Variants in SH3GL3 observed in about 807,000 individuals in gnomAD.
SH3GL3 encodes endophilin-A3.
In SH3GL3, 33 loss-of-function variants were observed where a neutral mutation model predicts 47.7. The ratio of observed to expected loss-of-function variants is 0.69; its 90% CI spans 0.52 to 0.92. The LOEUF is 0.92. SH3GL3 is among the 40% of genes least tolerant of loss of function. The pLI is 0.00. For synonymous variants in SH3GL3, 155 were observed against 148.8 expected, an observed-to-expected ratio of 1.04 and a Z score of -0.30; for missense variants, 363 against 417.8, an observed-to-expected ratio of 0.87 and a Z score of 1.14.
intron 1 of SH3GL3, among the ~76,000 whole-genome samples, chr15:83,531,549 A>G (rs17158891): frequency 0.053 from 8,142 of 152,236 alleles, 383 homozygotes; most frequent in East Asian, 0.12. Context: ...TGGCAGGCAG[A>G]TCGTGGAAGG....
intron 1 of SH3GL3, among the ~76,000 whole-genome samples, chr15:83,463,047 T>C (rs140986377): frequency 1.4e-4 from 22 of 152,304 alleles, no homozygotes; most frequent in South Asian, 6.2e-4. Flanking sequence ...AAGTCAGTTC[T>C]GTCAGACTCA....
the SH3GL3 span, among the ~76,000 whole-genome samples, chr15:83,630,693 G>C: frequency 6.6e-6 from 1 of 152,102 alleles, no homozygotes; most frequent in African/African-American, 2.4e-5. Flanking sequence ...AACAGCATGA[G>C]GGTAACTGCC....
chr15:83,455,208 G>C (rs1351890893), intron 1 of SH3GL3, among the ~76,000 whole-genome samples: 30 of 36,430 alleles, frequency 8.2e-4, no homozygotes, highest in Non-Finnish European at 6.2e-4. Flanking sequence ...TCCTTTGAGG[G>C]TAACCCGACC....
At chr15:83,571,534 A>G (rs978677364) in intron 4 of SH3GL3, among the ~76,000 whole-genome samples, 5 of 151,762 alleles carry the variant, frequency 3.3e-5, no homozygotes, top group African/African-American at 9.7e-5. Context: ...GTTTAGAGTA[A>G]CGGTTCCTAC....
chr15:83,500,939 CAG>C (rs1263065446), intron 1 of SH3GL3, among the ~76,000 whole-genome samples: 1 of 152,216 alleles, frequency 6.6e-6, no homozygotes, highest in African/African-American at 2.4e-5. Flanking sequence ...TTCTAGAAGA[CAG>C]GGGCTACGAA....
intron 1 of SH3GL3, among the ~76,000 whole-genome samples, chr15:83,463,639 C>T (rs1002104251): frequency 1.3e-5 from 2 of 152,058 alleles, no homozygotes; most frequent in Admixed American, 6.5e-5. Context: ...CAGACATCCT[C>T]TCTAGTATCT....
chr15:83,625,410 A>G, the SH3GL3 span, among the ~76,000 whole-genome samples: 1 of 152,238 alleles, frequency 6.6e-6, no homozygotes, highest in Admixed American at 6.5e-5. Context: ...CTTCTACTTT[A>G]CCCACTGTAG....
chr15:83,565,209 AAAGTTGAAATATTCTCT>A lies in SH3GL3; in HGVS notation c.187+4_187+20del, dbSNP rs1231701196. The A allele has an allele frequency of 2.6e-6, 4 of 1,528,074 alleles. No individual in the cohort carries two copies. Among genetic ancestry groups the A allele is most frequent in the African/African-American group, 1.4e-5 (1 of 73,212 alleles). 94.7% of individuals were successfully genotyped at this position (1,528,074 alleles called of 1,614,324 possible). On this transcript the variant is annotated splice_donor_5th_base_variant and intron_variant, in intron 3 of 8. Coordinates refer to ENST00000427482, the MANE Select transcript of SH3GL3 (RefSeq NM_003027.5). ...TGAATATCTTCAGCCAAATCCAGGT[AAAGTTGAAATATTCTCT>A]TGTTCATTTGCTGTCACAGACTCTA...
At chr15:83,470,667 A>T (rs2040789491) in intron 1 of SH3GL3, among the ~76,000 whole-genome samples, 1 of 152,056 alleles carries the variant, frequency 6.6e-6, no homozygotes, top group African/African-American at 2.4e-5. Flanking sequence ...CTGCCATTTT[A>T]TTTTGGGGGT....
In SH3GL3 at chr15:83,525,951, G is replaced by A. The variant is rs981218771; in HGVS notation, c.46-33302G>A. 6.6e-4 allele frequency among the ~76,000 whole-genome samples: 101 copies of A among 152,146 alleles called. 1 individual carries two copies. The highest frequency in any genetic ancestry group is 2.4e-3 in the African/African-American group (98 of 41,452). On this transcript the variant is annotated intron_variant, in intron 1 of 8. Transcript: ENST00000427482. ...TCTGTAATTTTTTTGACATCAGGTA[G>A]TGTGATGCTTCTAGCTTTGTTATTT... is the stretch of plus-strand genomic sequence containing the variant.
chr15:83,501,526 C>A (rs1243579698), intron 1 of SH3GL3, among the ~76,000 whole-genome samples: 2 of 152,160 alleles, frequency 1.3e-5, no homozygotes, highest in Non-Finnish European at 2.9e-5. Context: ...TCAATTTATT[C>A]AATTTCGTGT....
chr15:83,629,532 A>G, the SH3GL3 span, among the ~76,000 whole-genome samples: 5 of 152,216 alleles, frequency 3.3e-5, no homozygotes, highest in Non-Finnish European at 7.3e-5. Context: ...TTCAAAACGT[A>G]TCATAGCCTG....
intron 6 of SH3GL3, among the ~76,000 whole-genome samples, chr15:83,576,980 G>T (rs115478673): frequency 7.1e-6 from 1 of 140,354 alleles, no homozygotes; most frequent in Non-Finnish European, 1.5e-5. Context: ...GCAGTGTCTC[G>T]GCTCACTACA....
intron 8 of SH3GL3, among the ~76,000 whole-genome samples, chr15:83,592,947 A>G (rs1316279847): frequency 1.4e-5 from 2 of 147,766 alleles, no homozygotes; most frequent in Non-Finnish European, 3.0e-5. Context: ...CAAAAAAAAA[A>G]CAGTTCTGGG....
rs749459088 is a variant in SH3GL3 at position 83,505,289 on chromosome 15, A to G, written c.46-53964A>G. On this transcript the variant is annotated intron_variant, in intron 1 of 8. Transcript: ENST00000427482. ...TCGGCATCTTCACTTTTTCTTTAAC[A>G]TTACTAGATAATGGCCAAACCTCAT... 2.6e-5 allele frequency among the ~76,000 whole-genome samples: 4 copies of G among 152,182 alleles called. No individual in the cohort carries two copies. In the South Asian group the frequency reaches 6.2e-4, roughly 24 times the overall value.
intron 3 of SH3GL3, among the ~76,000 whole-genome samples, chr15:83,567,064 C>G (rs186655422): frequency 6.6e-6 from 1 of 152,272 alleles, no homozygotes. Flanking sequence ...ATACCACAAA[C>G]TAGTATGTGA....
At chr15:83,537,122 G>A (rs1196644666) in intron 1 of SH3GL3, among the ~76,000 whole-genome samples, 1 of 152,170 alleles carries the variant, frequency 6.6e-6, no homozygotes, top group African/African-American at 2.4e-5. Flanking sequence ...GGCCAAGGGG[G>A]ACTCAGGGAG....
At chr15:83,570,136 G>A (rs1002580572) in intron 4 of SH3GL3, among the ~76,000 whole-genome samples, 1 of 152,024 alleles carries the variant, frequency 6.6e-6, no homozygotes, top group African/African-American at 2.4e-5. Flanking sequence ...TTTGAATCCT[G>A]TATTTTCTTT....
intron 1 of SH3GL3, among the ~76,000 whole-genome samples, chr15:83,474,657 T>TG (rs1476244507): frequency 3.3e-5 from 5 of 152,188 alleles, no homozygotes; most frequent in Non-Finnish European, 5.9e-5. Context: ...GAGCTGCATA[T>TG]GGTCTCTGTA....
Sources: allele counts gnomAD v4.1 joint callset (sites outside exome capture counted in the v4.1 genomes callset), GRCh38; gene constraint gnomAD v4.1.1; transcripts MANE v1.5; gene names NCBI Gene and HGNC (gene_info 2026-07-23, HGNC 2026-07-21).